LRRC4C: variants seen among roughly 807,000 people sequenced by gnomAD.
LRRC4C encodes the protein leucine rich repeat containing 4C.
Under a neutral mutation model 33.6 loss-of-function variants are expected in LRRC4C, and 5 were observed. The observed-to-expected ratio is 0.15, with a 90% confidence interval of 0.08 to 0.31. The LOEUF (loss-of-function observed/expected upper bound fraction) is 0.31, where lower values mean the gene tolerates loss of function less well. Among genes scored for constraint, LRRC4C ranks in the 10% least tolerant of loss-of-function variants. The probability of loss-of-function intolerance (pLI) is 1.00; values close to 1 mark genes in which losing one functional copy is unlikely to be tolerated. For synonymous variants in LRRC4C, 329 were observed against 302.0 expected (o/e 1.09, Z -0.93); for missense variants, 560 against 796.7 (o/e 0.70, Z 3.58).
chr11:41,166,190 C>CA (rs1334283136), intron 1 of LRRC4C, among the ~76,000 whole-genome samples: 1 of 151,642 alleles, frequency 6.6e-6, no homozygotes. Context: ...TATTAAATTG[C>CA]ATATTAAGTT....
At chr11:40,160,767 G>A (rs1363323346) in intron 5 of LRRC4C, among the ~76,000 whole-genome samples, 1 of 152,248 alleles carries the variant, frequency 6.6e-6, no homozygotes, top group East Asian at 1.9e-4. Context: ...ACTGAAGATG[G>A]TAACTATCAA....
intron 2 of LRRC4C, among the ~76,000 whole-genome samples, chr11:40,867,553 TG>T (rs1313757339): frequency 6.6e-6 from 1 of 152,150 alleles, no homozygotes; most frequent in Non-Finnish European, 1.5e-5. Flanking sequence ...ATAAATCAAT[TG>T]GGGGGAAAAA....
chr11:40,784,080 TTA>T (rs10691904), intron 2 of LRRC4C, among the ~76,000 whole-genome samples: 3 of 150,666 alleles, frequency 2.0e-5, no homozygotes, highest in African/African-American at 2.5e-5. Context: ...AGATGTTTAT[TTA>T]TATATATATA....
At chr11:40,536,997 A>G (rs989327835) in intron 3 of LRRC4C, among the ~76,000 whole-genome samples, 8 of 152,344 alleles carry the variant, frequency 5.3e-5, no homozygotes, top group African/African-American at 1.9e-4. Flanking sequence ...CAACAACTGC[A>G]ATAATGACTG....
intron 2 of LRRC4C, among the ~76,000 whole-genome samples, chr11:40,770,243 C>A (rs1380532839): frequency 2.0e-5 from 3 of 152,248 alleles, no homozygotes; most frequent in Admixed American, 6.5e-5. Flanking sequence ...GAAAGGGAAG[C>A]AAACACATGC....
chr11:40,899,621 T>C (rs1319504652), intron 2 of LRRC4C, among the ~76,000 whole-genome samples: 1 of 152,024 alleles, frequency 6.6e-6, no homozygotes, highest in Non-Finnish European at 1.5e-5. Context: ...TAATGAAGAG[T>C]ATTTCTGTGT....
chr11:40,969,400 G>A (rs1452866575), intron 1 of LRRC4C, among the ~76,000 whole-genome samples: 1 of 150,182 alleles, frequency 6.7e-6, no homozygotes, highest in East Asian at 1.9e-4. Context: ...AGTTGATAAA[G>A]CATCAGAAGG....
At chr11:41,410,604 C>A (rs2138209749) in intron 1 of LRRC4C, among the ~76,000 whole-genome samples, 1 of 151,900 alleles carries the variant, frequency 6.6e-6, no homozygotes, top group East Asian at 2.0e-4. Context: ...TCACGCCCAG[C>A]TAATTTTTTG....
At chr11:40,624,516 G>A (rs1213905989) in intron 3 of LRRC4C, among the ~76,000 whole-genome samples, 1 of 152,050 alleles carries the variant, frequency 6.6e-6, no homozygotes, top group Non-Finnish European at 1.5e-5. Flanking sequence ...GTCTTAATGT[G>A]CCCCAAATGG....
chr11:41,340,279 T>C (rs1300240927), intron 1 of LRRC4C, among the ~76,000 whole-genome samples: 1 of 152,182 alleles, frequency 6.6e-6, no homozygotes, highest in African/African-American at 2.4e-5. Flanking sequence ...AGAAATAGGA[T>C]TGCTCATTAT....
chr11:41,193,818 C>A (rs1166791671), intron 1 of LRRC4C, among the ~76,000 whole-genome samples: 1 of 151,336 alleles, frequency 6.6e-6, no homozygotes. Flanking sequence ...TTTTTTTTAA[C>A]CATATGGACC....
chr11:40,219,403 C>T (rs1047251065), intron 5 of LRRC4C, among the ~76,000 whole-genome samples: 16 of 152,154 alleles, frequency 1.1e-4, no homozygotes, highest in African/African-American at 1.4e-4. Flanking sequence ...GTCTACCCTA[C>T]GTTTCTAAGC....
intron 5 of LRRC4C, among the ~76,000 whole-genome samples, chr11:40,170,579 A>G (rs7131259): frequency 0.027 from 4,129 of 152,282 alleles, 190 homozygotes; most frequent in African/African-American, 0.095. Flanking sequence ...GGAGAATGGA[A>G]GACATTCACA....
intron 2 of LRRC4C, among the ~76,000 whole-genome samples, chr11:40,756,171 A>G (rs906339468): frequency 6.6e-6 from 1 of 152,034 alleles, no homozygotes; most frequent in African/African-American, 2.4e-5. Context: ...ACGCTGCTGG[A>G]ACTCTGATCT....
intron 3 of LRRC4C, among the ~76,000 whole-genome samples, chr11:40,547,951 C>A (rs1187046296): frequency 6.6e-6 from 1 of 152,038 alleles, no homozygotes; most frequent in Non-Finnish European, 1.5e-5. Flanking sequence ...ACAAAATGGA[C>A]CAACGCTCTA....
chr11:40,510,150 C>A (rs576859693), intron 3 of LRRC4C, among the ~76,000 whole-genome samples: 4 of 150,464 alleles, frequency 2.7e-5, no homozygotes, highest in Non-Finnish European at 4.4e-5. Context: ...TAGAACCCTG[C>A]AATCAATATA....
intron 1 of LRRC4C, among the ~76,000 whole-genome samples, chr11:41,150,440 G>A (rs1590760529): frequency 1.3e-5 from 2 of 152,112 alleles, no homozygotes; most frequent in Admixed American, 6.6e-5. Flanking sequence ...AAATATCTCC[G>A]ATTTTTGCTT....
intron 3 of LRRC4C, among the ~76,000 whole-genome samples, chr11:40,450,432 TTTA>T (rs1363599621): frequency 1.3e-5 from 2 of 152,100 alleles, no homozygotes; most frequent in African/African-American, 4.8e-5. Flanking sequence ...GGTAAAAATA[TTTA>T]TTATATTATT....
intron 3 of LRRC4C, among the ~76,000 whole-genome samples, chr11:40,475,724 T>C (rs567264720): frequency 3.9e-5 from 6 of 152,268 alleles, no homozygotes; most frequent in African/African-American, 1.4e-4. Context: ...AATTGATATT[T>C]ATACAACTTC....
Sources: allele counts gnomAD v4.1 joint callset (sites outside exome capture counted in the v4.1 genomes callset), GRCh38; gene constraint gnomAD v4.1.1; transcripts MANE v1.5; gene names NCBI Gene and HGNC (gene_info 2026-07-23, HGNC 2026-07-21).